The following PLD1 variants were observed in gnomAD, a reference collection of about 807,000 sequenced individuals.
The protein encoded by PLD1 is choline phosphatase 1.
A neutral mutation model predicts 137.1 loss-of-function variants in PLD1; 112 were observed. The observed-to-expected ratio is 0.82, with a 90% CI of 0.70 to 0.96. The LOEUF (loss-of-function observed/expected upper bound fraction) is 0.96, where lower values mean the gene tolerates loss of function less well. Ranked by LOEUF, PLD1 falls within the 40% of genes least tolerant of loss-of-function variation. The pLI is 0.00. For missense variants in PLD1, 1,321 were observed against 1,342.0 expected, an observed-to-expected ratio of 0.98 and a Z score of 0.24; for synonymous variants, 431 against 454.7, an observed-to-expected ratio of 0.95 and a Z score of 0.66.
intron 23 of PLD1, among the ~76,000 whole-genome samples, chr3:171,627,452 A>G (rs951411338): frequency 3.3e-5 from 5 of 152,204 alleles, no homozygotes; most frequent in Non-Finnish European, 7.3e-5. Flanking sequence ...CAGATCAACG[A>G]GATAGAAAGT....
intron 23 of PLD1, among the ~76,000 whole-genome samples, chr3:171,622,294 T>C (rs1228220099): frequency 6.6e-6 from 1 of 152,246 alleles, no homozygotes; most frequent in Non-Finnish European, 1.5e-5. Context: ...CAGATTCCTG[T>C]GACTCTTCAC....
chr3:171,655,119 C>A (rs145230402), intron 21 of PLD1, among the ~76,000 whole-genome samples: 1 of 152,160 alleles, frequency 6.6e-6, no homozygotes, highest in Non-Finnish European at 1.5e-5. Context: ...TGGCTGACTG[C>A]GGACTGTCAT....
At chr3:171,672,449 G>A (rs1712870119) in intron 19 of PLD1, among the ~76,000 whole-genome samples, 1 of 151,960 alleles carries the variant, frequency 6.6e-6, no homozygotes, top group Non-Finnish European at 1.5e-5. Context: ...TAACATATGA[G>A]CTTATCAGAT....
chr3:171,649,930 C>T (rs1413771692), intron 21 of PLD1, among the ~76,000 whole-genome samples: 1 of 152,192 alleles, frequency 6.6e-6, no homozygotes, highest in Non-Finnish European at 1.5e-5. Flanking sequence ...TAGCACAATA[C>T]TTCTGGTACT....
intron 10 of PLD1, 62 bp from the exon 11 acceptor site, chr3:171,708,900 T>G (rs1385512576): frequency 9.5e-7 from 1 of 1,057,786 alleles, no homozygotes; most frequent in East Asian, 2.4e-5. Context: ...AAACTTATCT[T>G]ATGGTAAAGC....
At chr3:171,730,388 T>C (rs1400439026) in intron 6 of PLD1, among the ~76,000 whole-genome samples, 2 of 149,114 alleles carry the variant, frequency 1.3e-5, no homozygotes, top group African/African-American at 2.5e-5. Flanking sequence ...ACTAAAACAC[T>C]AGGATGCTCT....
chr3:171,626,054 G>A (rs1294496985), intron 23 of PLD1, among the ~76,000 whole-genome samples: 23 of 152,124 alleles, frequency 1.5e-4, no homozygotes, highest in Non-Finnish European at 2.6e-4. Context: ...AAACTACTCC[G>A]AGCTACAGGA....
chr3:171,654,489 CCTGA>C (rs1203215902), intron 21 of PLD1, among the ~76,000 whole-genome samples: 2 of 152,148 alleles, frequency 1.3e-5, no homozygotes, highest in African/African-American at 2.4e-5. Flanking sequence ...TTTCTCACTT[CCTGA>C]CTTTCTACCA....
At chr3:171,806,246 G>T (rs115994463) in intron 1 of PLD1, among the ~76,000 whole-genome samples, 299 of 151,900 alleles carry the variant, frequency 2.0e-3, no homozygotes, top group African/African-American at 6.9e-3. Flanking sequence ...TTTCACAACA[G>T]AAAAAAAACA....
intron 19 of PLD1, among the ~76,000 whole-genome samples, chr3:171,672,930 A>G (rs1422001109): frequency 6.6e-6 from 1 of 152,254 alleles, no homozygotes; most frequent in Admixed American, 6.5e-5. Context: ...AAATATATGC[A>G]TATGCAACGC....
At chr3:171,733,571 A>G (rs1360254592) in intron 5 of PLD1, 62 bp from the exon 6 acceptor site, 18 of 678,136 alleles carry the variant, frequency 2.7e-5, no homozygotes. Flanking sequence ...AAAATTAAAC[A>G]GTAGTGACAA....
intron 1 of PLD1, among the ~76,000 whole-genome samples, chr3:171,750,664 T>C (rs1335105542): frequency 6.6e-6 from 1 of 152,190 alleles, no homozygotes; most frequent in Non-Finnish European, 1.5e-5. Flanking sequence ...AAAAATAGCT[T>C]GTGTTCAGGA....
intron 19 of PLD1, among the ~76,000 whole-genome samples, chr3:171,665,788 A>T (rs984393334): frequency 1.3e-5 from 2 of 152,108 alleles, no homozygotes; most frequent in Non-Finnish European, 2.9e-5. Flanking sequence ...GATACCTGCA[A>T]AACCATCAAG....
At chr3:171,625,030 C>T (rs1029539334) in intron 23 of PLD1, among the ~76,000 whole-genome samples, 1 of 151,664 alleles carries the variant, frequency 6.6e-6, no homozygotes, top group Admixed American at 6.6e-5. Context: ...AAGCATAGTT[C>T]ATGCATTCAA....
chr3:171,644,807 C>T, intron 22 of PLD1, 103 bp downstream of exon 22: 2 of 743,416 alleles, frequency 2.7e-6, no homozygotes, highest in Admixed American at 2.0e-5. Flanking sequence ...TTCATTTGTT[C>T]CCCACTCCAC....
At chr3:171,719,278 T>C (rs571300606) in intron 8 of PLD1, among the ~76,000 whole-genome samples, 7 of 152,320 alleles carry the variant, frequency 4.6e-5, no homozygotes, top group African/African-American at 1.7e-4. Flanking sequence ...TCCTCCATCA[T>C]GTTGTCTTGA....
chr3:171,646,711 T>C (rs1455616861), intron 21 of PLD1, among the ~76,000 whole-genome samples: 2 of 151,546 alleles, frequency 1.3e-5, no homozygotes, highest in Non-Finnish European at 1.5e-5. Flanking sequence ...CCTAAGCTAT[T>C]AAGCTATTTC....
At chr3:171,764,825 G>GAAAGAAAA (rs1387154812) in intron 1 of PLD1, among the ~76,000 whole-genome samples, 1 of 22,742 alleles carries the variant, frequency 4.4e-5, no homozygotes, top group Non-Finnish European at 9.0e-5. Flanking sequence ...AAGAAAGAAA[G>GAAAGAAAA]AGAAAGAAAG....
intron 23 of PLD1, among the ~76,000 whole-genome samples, chr3:171,627,580 C>T (rs1334608738): frequency 6.6e-6 from 1 of 152,076 alleles, no homozygotes; most frequent in East Asian, 1.9e-4. Flanking sequence ...TCACACCACA[C>T]CTATTCCAAA....
Sources: allele counts gnomAD v4.1 joint callset (sites outside exome capture counted in the v4.1 genomes callset), GRCh38; gene constraint gnomAD v4.1.1; transcripts MANE v1.5; gene names NCBI Gene and HGNC (gene_info 2026-07-23, HGNC 2026-07-21).